WWOX: variants seen among roughly 807,000 people sequenced by gnomAD.
WWOX encodes the protein WW domain-containing oxidoreductase.
Under a neutral mutation model 46.2 loss-of-function variants are expected in WWOX, and 69 were observed. The observed-to-expected ratio is 1.49, with a 90% CI of 1.23 to 1.82. The LOEUF (loss-of-function observed/expected upper bound fraction) is 1.82, where lower values mean the gene tolerates loss of function less well. Among genes scored for constraint, WWOX ranks in the 40% most tolerant of loss-of-function variants. WWOX has a pLI of 0.00. For synonymous variants in WWOX, 359 were observed against 202.6 expected (o/e 1.77, Z -6.56); for missense variants, 919 against 542.6 (o/e 1.69, Z -6.89).
chr16:78,955,886 T>G lies in WWOX; in HGVS notation c.1057-255722T>G, dbSNP rs186597979. ...CTCTAATTCCTGGCCTCAAGCGATC[T>G]CCCATCCCCCCTCAGCCTCCCAAAG... On this transcript the variant is annotated intron_variant, in intron 8 of 8. Transcript: ENST00000566780. Among the ~76,000 whole-genome samples, 2 of 151,380 alleles carry G rather than the reference T, an allele frequency of 1.3e-5. 1 individual carries two copies. Among genetic ancestry groups the G allele is most frequent in the African/African-American group, 4.8e-5 (2 of 41,272 alleles).
At chr16:78,873,713 CG>C (rs1300689154) in intron 8 of WWOX, among the ~76,000 whole-genome samples, 2 of 152,030 alleles carry the variant, frequency 1.3e-5, no homozygotes, top group East Asian at 1.9e-4. Context: ...TGCTTGAGGC[CG>C]GAAGTTCAAG....
At chr16:78,888,222 G>A (rs1346614568) in intron 8 of WWOX, among the ~76,000 whole-genome samples, 1 of 152,134 alleles carries the variant, frequency 6.6e-6, no homozygotes, top group African/African-American at 2.4e-5. Flanking sequence ...CAAGGTGTTG[G>A]GCAACTGGGG....
At chr16:79,092,607 C>T (rs943060108) in intron 8 of WWOX, among the ~76,000 whole-genome samples, 2 of 152,172 alleles carry the variant, frequency 1.3e-5, no homozygotes, top group African/African-American at 4.8e-5. Context: ...TTAGCCTGAT[C>T]TGATTCATCT....
intron 8 of WWOX, among the ~76,000 whole-genome samples, chr16:78,471,555 C>G (rs186786159): frequency 4.5e-4 from 68 of 152,260 alleles, no homozygotes; most frequent in Non-Finnish European, 7.8e-4. Flanking sequence ...TTTACATCCT[C>G]CATGAAATCT....
intron 8 of WWOX, among the ~76,000 whole-genome samples, chr16:78,951,442 A>G (rs1403256536): frequency 6.6e-6 from 1 of 152,120 alleles, no homozygotes; most frequent in Non-Finnish European, 1.5e-5. Flanking sequence ...TGGAATAAAG[A>G]CCACCTTAGA....
chr16:78,764,849 T>A (rs2049890542), intron 8 of WWOX, among the ~76,000 whole-genome samples: 1 of 151,978 alleles, frequency 6.6e-6, no homozygotes, highest in African/African-American at 2.4e-5. Context: ...AGCAAAGGTT[T>A]GTTGAGTTTA....
intron 8 of WWOX, among the ~76,000 whole-genome samples, chr16:79,046,903 T>C (rs1314379168): frequency 1.3e-5 from 2 of 152,214 alleles, no homozygotes; most frequent in South Asian, 4.1e-4. Flanking sequence ...CTAATACGAT[T>C]GGTTACTCAA....
At chr16:78,109,600 C>T (rs1362057412) in intron 2 of WWOX, among the ~76,000 whole-genome samples, 178 bp from the exon 3 acceptor site, 1 of 150,534 alleles carries the variant, frequency 6.6e-6, no homozygotes, top group African/African-American at 2.4e-5. Flanking sequence ...AGGGTGGGAT[C>T]AGGGGCCTTC....
At chr16:78,726,790 A>T (rs1007015539) in intron 8 of WWOX, among the ~76,000 whole-genome samples, 1 of 151,836 alleles carries the variant, frequency 6.6e-6, no homozygotes, top group South Asian at 2.1e-4. Flanking sequence ...GCATGGGGCA[A>T]TGAGGAGGTA....
intron 8 of WWOX, among the ~76,000 whole-genome samples, chr16:78,804,558 G>A (rs1235362421): frequency 2.6e-5 from 4 of 152,210 alleles, no homozygotes; most frequent in Non-Finnish European, 5.9e-5. Context: ...TGAGAACTGT[G>A]GTTTCTCCCA....
chr16:78,305,994 C>A (rs939827013), intron 5 of WWOX, among the ~76,000 whole-genome samples: 1 of 151,978 alleles, frequency 6.6e-6, no homozygotes, highest in Non-Finnish European at 1.5e-5. Context: ...ATGTCCTTTA[C>A]ATGGGCAATC....
chr16:78,594,734 C>T (rs2045444669), intron 8 of WWOX, among the ~76,000 whole-genome samples: 1 of 152,054 alleles, frequency 6.6e-6, no homozygotes, highest in South Asian at 2.1e-4. Flanking sequence ...TCATAGGCTA[C>T]CTCCAACTTG....
chr16:78,626,979 G>A (rs535549752), intron 8 of WWOX, among the ~76,000 whole-genome samples: 26 of 152,190 alleles, frequency 1.7e-4, no homozygotes, highest in African/African-American at 6.0e-4. Context: ...GGTGTGGTGT[G>A]TTTTTATCTT....
intron 8 of WWOX, among the ~76,000 whole-genome samples, chr16:78,908,925 C>T (rs555165126): frequency 1.3e-5 from 2 of 152,342 alleles, no homozygotes; most frequent in South Asian, 2.1e-4. Flanking sequence ...CCTCCGGCAG[C>T]ATGACTCCTA....
At chr16:78,861,174 C>G (rs914203730) in intron 8 of WWOX, among the ~76,000 whole-genome samples, 2 of 152,026 alleles carry the variant, frequency 1.3e-5, no homozygotes, top group Non-Finnish European at 2.9e-5. Flanking sequence ...TTCTTCCTCT[C>G]TTTGCTTCTT....
At chr16:78,307,736 G>A (rs1017904178) in intron 5 of WWOX, among the ~76,000 whole-genome samples, 2 of 152,076 alleles carry the variant, frequency 1.3e-5, no homozygotes, top group Non-Finnish European at 2.9e-5. Flanking sequence ...TAAGAGTAAA[G>A]GCACCTGCCT....
chr16:78,878,127 C>A (rs1253552119), intron 8 of WWOX, among the ~76,000 whole-genome samples: 2 of 152,198 alleles, frequency 1.3e-5, no homozygotes, highest in African/African-American at 4.8e-5. Flanking sequence ...CGGAATACAA[C>A]TGCCCTGCCT....
intron 4 of WWOX, among the ~76,000 whole-genome samples, chr16:78,115,963 G>A (rs752475277): frequency 8.6e-5 from 13 of 151,990 alleles, no homozygotes; most frequent in East Asian, 1.9e-4. Context: ...CCCCCTTGAT[G>A]CCCTCCTCTA....
chr16:78,635,429 C>T (rs1201406482), intron 8 of WWOX, among the ~76,000 whole-genome samples: 1 of 152,120 alleles, frequency 6.6e-6, no homozygotes, highest in South Asian at 2.1e-4. Flanking sequence ...ATGTGTTGTC[C>T]TTGACTGGGC....
Sources: allele counts gnomAD v4.1 joint callset (sites outside exome capture counted in the v4.1 genomes callset), GRCh38; gene constraint gnomAD v4.1.1; transcripts MANE v1.5; gene names NCBI Gene and HGNC (gene_info 2026-07-23, HGNC 2026-07-21).